The following PLPPR1 variants were observed in gnomAD, a reference collection of about 807,000 sequenced individuals.
The protein encoded by PLPPR1 is phospholipid phosphatase related 1, also known as phospholipid phosphatase-related protein type 1.
Under a neutral mutation model 33.1 loss-of-function variants are expected in PLPPR1, and 10 were observed. The observed-to-expected ratio is 0.30, with a 90% confidence interval of 0.19 to 0.51. The LOEUF is 0.51. PLPPR1 is among the 20% of genes least tolerant of loss of function. PLPPR1 has a pLI of 0.97. For missense variants in PLPPR1, 304 were observed against 408.1 expected, an observed-to-expected ratio of 0.74 and a Z score of 2.20; for synonymous variants, 151 against 151.0, an observed-to-expected ratio of 1.00 and a Z score of 0.00.
In PLPPR1 at chr9:101,164,066, T is replaced by C. The variant is rs74327241; in HGVS notation, c.-45-21384T>C. On this transcript the variant is annotated intron_variant, in intron 1 of 7. Coordinates refer to ENST00000374874, the MANE Select transcript of PLPPR1 (RefSeq NM_207299.2). ...AATGTATCAGACAGTAAACTAACCA[T>C]CATCCAGAAAGCTAATGACCAGGTA... Among the ~76,000 whole-genome samples, 670 of 152,312 alleles carry C rather than the reference T, an allele frequency of 4.4e-3. 4 individuals carry two copies. The highest frequency in any genetic ancestry group is 0.015 in the African/African-American group (634 of 41,572).
chr9:101,238,211 C>G (rs1359505030), intron 2 of PLPPR1, among the ~76,000 whole-genome samples: 1 of 131,764 alleles, frequency 7.6e-6, no homozygotes, highest in Non-Finnish European at 1.6e-5. Flanking sequence ...TATATATATA[C>G]CTATATATAT....
chr9:101,222,137 C>T (rs1357475846), intron 2 of PLPPR1, among the ~76,000 whole-genome samples: 1 of 152,170 alleles, frequency 6.6e-6, no homozygotes, highest in Non-Finnish European at 1.5e-5. Flanking sequence ...GGCAGCCCTG[C>T]AGCAACTTGG....
chr9:101,036,645 A>G (rs986977019), intron 1 of PLPPR1, among the ~76,000 whole-genome samples: 1 of 150,040 alleles, frequency 6.7e-6, no homozygotes, highest in African/African-American at 2.5e-5. Flanking sequence ...ATTTGAGGTC[A>G]GAAGGTAGAA....
intron 4 of PLPPR1, among the ~76,000 whole-genome samples, chr9:101,292,602 ACT>A (rs1170983652): frequency 1.6e-5 from 2 of 124,828 alleles, no homozygotes; most frequent in African/African-American, 6.1e-5. Flanking sequence ...CTTGGCAGAA[ACT>A]CTGCAAGCCA....
intron 4 of PLPPR1, among the ~76,000 whole-genome samples, chr9:101,293,950 A>G (rs1043203392): frequency 5.3e-5 from 8 of 152,046 alleles, no homozygotes; most frequent in African/African-American, 1.9e-4. Context: ...AAATAACTAA[A>G]ATCAGAGCAG....
intron 3 of PLPPR1, among the ~76,000 whole-genome samples, chr9:101,279,491 A>G (rs1172147040): frequency 6.6e-6 from 1 of 152,236 alleles, no homozygotes; most frequent in African/African-American, 2.4e-5. Flanking sequence ...CTTGATATTT[A>G]TAAAACATTT....
chr9:101,060,800 C>T (rs1310886602), intron 1 of PLPPR1, among the ~76,000 whole-genome samples: 1 of 151,806 alleles, frequency 6.6e-6, no homozygotes, highest in Non-Finnish European at 1.5e-5. Flanking sequence ...GTGATGATGC[C>T]ATTTATTAAA....
At chr9:101,030,461 A>T (rs1829931699) in intron 1 of PLPPR1, among the ~76,000 whole-genome samples, 1 of 151,452 alleles carries the variant, frequency 6.6e-6, no homozygotes, top group Non-Finnish European at 1.5e-5. Flanking sequence ...GGAGCGTAAA[A>T]GACTTCACTA....
chr9:101,228,453 C>T (rs1370179325), intron 2 of PLPPR1, among the ~76,000 whole-genome samples: 2 of 152,024 alleles, frequency 1.3e-5, no homozygotes, highest in East Asian at 3.9e-4. Flanking sequence ...GCCTCACCAA[C>T]TAGAGGGTTG....
chr9:101,201,556 T>C (rs959210308), intron 2 of PLPPR1, among the ~76,000 whole-genome samples: 3 of 152,184 alleles, frequency 2.0e-5, no homozygotes, highest in Non-Finnish European at 4.4e-5. Context: ...CTTTCAGTTT[T>C]CTAAACTATA....
intron 1 of PLPPR1, among the ~76,000 whole-genome samples, chr9:101,144,581 A>G (rs1158829336): frequency 1.3e-5 from 2 of 152,226 alleles, no homozygotes; most frequent in East Asian, 1.9e-4. Flanking sequence ...GGTCTCAGAA[A>G]AAAACCAAAC....
At chr9:101,227,994 G>T (rs1827105770) in intron 2 of PLPPR1, among the ~76,000 whole-genome samples, 1 of 152,118 alleles carries the variant, frequency 6.6e-6, no homozygotes, top group Non-Finnish European at 1.5e-5. Context: ...GGCCAGGCTG[G>T]TCTAGAACTC....
At chr9:101,194,168 T>C (rs946647881) in intron 2 of PLPPR1, among the ~76,000 whole-genome samples, 1 of 152,184 alleles carries the variant, frequency 6.6e-6, no homozygotes, top group Admixed American at 6.5e-5. Flanking sequence ...AAAACGTATT[T>C]TGAGTGATTT....
In PLPPR1 at chr9:101,156,094, GA is replaced by G. The variant is rs575725612; in HGVS notation, c.-45-29353del. Among the ~76,000 whole-genome samples the G allele has an allele frequency of 8.5e-5, 13 of 152,302 alleles. 1 individual carries two copies. In the East Asian group the frequency reaches 2.3e-3, roughly 27 times the overall value. On this transcript the variant is annotated intron_variant, in intron 1 of 7. Coordinates refer to ENST00000374874, the MANE Select transcript of PLPPR1 (RefSeq NM_207299.2). ...AAAGAGATACTGACCTTGTCCTCAT[GA>G]AATGAATAGTCTAAAAGGAAGATGG...
At chr9:101,188,253 C>G (rs1295897100) in intron 2 of PLPPR1, among the ~76,000 whole-genome samples, 1 of 152,042 alleles carries the variant, frequency 6.6e-6, no homozygotes, top group Admixed American at 6.6e-5. Context: ...TGCAAGAGCT[C>G]TCTTAGTTTG....
At chr9:101,198,932 G>A (rs886248859) in intron 2 of PLPPR1, among the ~76,000 whole-genome samples, 2 of 152,176 alleles carry the variant, frequency 1.3e-5, no homozygotes, top group African/African-American at 4.8e-5. Context: ...ATTATGCAGT[G>A]TATTTATCGT....
chr9:101,135,498 G>T (rs1831367653), intron 1 of PLPPR1, among the ~76,000 whole-genome samples: 1 of 152,120 alleles, frequency 6.6e-6, no homozygotes, highest in Non-Finnish European at 1.5e-5. Context: ...TTTTCCTACG[G>T]TGTATTTTTC....
At chr9:101,274,089 G>C (rs1325569288) in intron 3 of PLPPR1, among the ~76,000 whole-genome samples, 1 of 152,146 alleles carries the variant, frequency 6.6e-6, no homozygotes, top group Non-Finnish European at 1.5e-5. Context: ...AAGTCAATGT[G>C]ATTTGGTCAG....
At chr9:101,227,259 T>A (rs1311430438) in intron 2 of PLPPR1, among the ~76,000 whole-genome samples, 1 of 150,134 alleles carries the variant, frequency 6.7e-6, no homozygotes, top group East Asian at 1.9e-4. Context: ...ACATTCACTT[T>A]AAAAAATAAA....
Sources: gnomAD v4.1 joint callset for allele counts (sites outside exome capture counted in the v4.1 genomes callset) on GRCh38, gnomAD v4.1.1 for gene constraint, MANE v1.5 for transcripts, NCBI Gene and HGNC (gene_info 2026-07-23, HGNC 2026-07-21) for gene names.